Variants in MED15 observed in about 807,000 individuals in gnomAD.
The protein encoded by MED15 is mediator complex subunit 15.
A neutral mutation model predicts 118.7 loss-of-function variants in MED15; 41 were observed. That is an observed-to-expected ratio of 0.35 (90% CI 0.27 to 0.45). MED15 has a LOEUF of 0.45. Ranked by LOEUF, MED15 falls within the 20% of genes least tolerant of loss-of-function variation. The pLI is 1.00. For synonymous variants in MED15, 436 were observed against 413.9 expected (o/e 1.05, Z -0.65); for missense variants, 740 against 1,025.5 (o/e 0.72, Z 3.80).
chr22:20,537,338 A>AACT, intron 2 of MED15, 134 bp downstream of exon 2: 1 of 703,866 alleles, frequency 1.4e-6, no homozygotes, highest in Non-Finnish European at 2.3e-6. Context: ...TCACAGGCAC[A>AACT]GTTGGTTTTG....
chr22:20,521,091 T>G (rs1447636152), intron 1 of MED15, among the ~76,000 whole-genome samples: 4 of 99,210 alleles, frequency 4.0e-5, no homozygotes, highest in African/African-American at 1.7e-4. Context: ...TTGTTCTATT[T>G]TTTTTTTTTT....
chr22:20,551,033 G>A, intron 2 of MED15: 1 of 447,754 alleles, frequency 2.2e-6, no homozygotes. Context: ...TACAGATAGT[G>A]CAAAGACACA....
chr22:20,527,755 C>G lies in MED15; in HGVS notation c.69-9362C>G, dbSNP rs536345953. Among the ~76,000 whole-genome samples the G allele has an allele frequency of 6.6e-5, 10 of 152,046 alleles. No homozygotes were observed. The South Asian group carries it at 2.1e-3, about 32-fold the overall frequency. ...CAGGCGGATCACAAGGTCAGGAGTT[C>G]GAGACTAGCCTGGTCAATATGGTGA... On this transcript the variant is annotated intron_variant, in intron 1 of 17. Transcript: ENST00000263205.
chr22:20,558,087 A>G (rs573274772), intron 5 of MED15, among the ~76,000 whole-genome samples: 18 of 152,238 alleles, frequency 1.2e-4, no homozygotes, highest in Non-Finnish European at 2.6e-4. Flanking sequence ...CCTGGGCAAC[A>G]GAGCGAGACT....
rs924577284 is a variant in MED15, at chr22:20,575,447, G to T, written c.1272+215G>T. On this transcript the variant is annotated intron_variant, in intron 9 of 17. Transcript: ENST00000263205. ...ATGAATAAATATCTGGGTCTTTTCA[G>T]CTTAAAATAGTTATACTGTACGCAT... Among the ~76,000 whole-genome samples the T allele has an allele frequency of 2.6e-5, 4 of 151,496 alleles. No homozygotes were observed. The East Asian group carries it at 5.8e-4, about 22-fold the overall frequency.
chr22:20,570,637 C>T (rs1362668129), intron 8 of MED15, among the ~76,000 whole-genome samples: 5 of 151,068 alleles, frequency 3.3e-5, no homozygotes, highest in Admixed American at 1.3e-4. Flanking sequence ...GTGATTCACC[C>T]GCCTCAGCCT....
intron 9 of MED15, among the ~76,000 whole-genome samples, chr22:20,577,974 G>A (rs1383926215): frequency 6.6e-6 from 1 of 152,008 alleles, no homozygotes; most frequent in East Asian, 1.9e-4. Flanking sequence ...CCCCAGGCAG[G>A]AGTGCAATGG....
chr22:20,565,214 CT>C (rs1247562344), intron 6 of MED15, among the ~76,000 whole-genome samples: 1 of 152,250 alleles, frequency 6.6e-6, no homozygotes, highest in Non-Finnish European at 1.5e-5. Context: ...TGATCGAGCC[CT>C]TCCATTTGGG....
intron 1 of MED15, among the ~76,000 whole-genome samples, chr22:20,535,210 G>A (rs1262347031): frequency 2.6e-5 from 4 of 152,068 alleles, no homozygotes; most frequent in Non-Finnish European, 4.4e-5. Context: ...CACCTGCCTC[G>A]GCCTCCCAAA....
chr22:20,521,436 G>T (rs1468683300), intron 1 of MED15, among the ~76,000 whole-genome samples: 1 of 147,988 alleles, frequency 6.8e-6, no homozygotes, highest in African/African-American at 2.5e-5. Context: ...TCACTCTGTC[G>T]CCTAGGCTGG....
At chr22:20,582,216 A>T (rs2057007633) in intron 9 of MED15, 8 of 302,328 alleles carry the variant, frequency 2.6e-5, no homozygotes, top group South Asian at 2.0e-4. Flanking sequence ...TCAGCAGAGC[A>T]GGGTCCTCAC....
rs1601572957 is a variant in MED15, at chr22:20,556,416, C to T, written c.451+1268C>T. Among the ~76,000 whole-genome samples, 3 of 152,000 alleles carry T rather than the reference C, an allele frequency of 2.0e-5. No individual in the cohort carries two copies. The South Asian group carries it at 6.2e-4, about 32-fold the overall frequency. On this transcript the variant is annotated intron_variant, in intron 5 of 17. Coordinates refer to ENST00000263205, the MANE Select transcript of MED15 (RefSeq NM_001003891.3). ...TTCCGAGTTCAAGCAGTTCTCTTGC[C>T]TCAGCCTCCGACTACCTGGGACTAC... is the stretch of plus-strand genomic sequence containing the variant.
chr22:20,574,804 CT>C (rs752206229), intron 8 of MED15: 1 of 293,956 alleles, frequency 3.4e-6, no homozygotes, highest in Non-Finnish European at 6.6e-6. Context: ...CTATAGGATT[CT>C]GATCTGTTAG....
chr22:20,551,511 GGTT>G (rs2055774674), intron 3 of MED15, 24 bp downstream of exon 3: 7 of 1,610,744 alleles, frequency 4.3e-6, no homozygotes, highest in Non-Finnish European at 5.9e-6. Context: ...TGCATTTCTG[GGTT>G]GTTGAGATCT....
chr22:20,546,434 G>T (rs901751220), intron 2 of MED15, among the ~76,000 whole-genome samples: 1 of 151,380 alleles, frequency 6.6e-6, no homozygotes, highest in Non-Finnish European at 1.5e-5. Context: ...TTATCTTTCC[G>T]ATGGTTTCAT....
chr22:20,538,822 C>T (rs2055179425), intron 2 of MED15, among the ~76,000 whole-genome samples: 2 of 151,870 alleles, frequency 1.3e-5, no homozygotes, highest in Admixed American at 1.3e-4. Flanking sequence ...GCCTCAGCCT[C>T]CCAAGTAGCC....
Position 20,545,568 on chromosome 22 carries a change from C to T in MED15, c.157-5868C>T, listed in dbSNP as rs559436685. On this transcript the variant is annotated intron_variant, in intron 2 of 17. Transcript: ENST00000263205. ...TGTAGTACCAAAAACCATTGAATGG[C>T]ATGTTTTAAATGGGTGAATTGTATC... Among the ~76,000 whole-genome samples, 80 of 151,856 alleles carry T rather than the reference C, an allele frequency of 5.3e-4. 1 individual carries two copies. The South Asian group carries it at 0.017, about 32-fold the overall frequency.
chr22:20,547,213 T>C (rs758849043), intron 2 of MED15, among the ~76,000 whole-genome samples: 1 of 152,242 alleles, frequency 6.6e-6, no homozygotes, highest in Non-Finnish European at 1.5e-5. Context: ...CTTGAAGTTC[T>C]AATTGTCCTT....
chr22:20,581,512 T>C (rs1031347137), intron 9 of MED15, among the ~76,000 whole-genome samples: 3 of 152,186 alleles, frequency 2.0e-5, no homozygotes, highest in African/African-American at 7.2e-5. Flanking sequence ...TCCAGGGGCC[T>C]GGCTCCTAGG....
Sources: gnomAD v4.1 joint callset for allele counts (sites outside exome capture counted in the v4.1 genomes callset) on GRCh38, gnomAD v4.1.1 for gene constraint, MANE v1.5 for transcripts, NCBI Gene and HGNC (gene_info 2026-07-23, HGNC 2026-07-21) for gene names.